Variants in ULK4 observed in about 807,000 individuals in gnomAD.
ULK4 encodes the protein unc-51 like kinase 4.
In ULK4, 133 loss-of-function variants were observed where a neutral mutation model predicts 160.6. The observed-to-expected ratio is 0.83, with a 90% CI of 0.72 to 0.96. ULK4 has a LOEUF of 0.96. Among genes scored for constraint, ULK4 ranks in the 40% least tolerant of loss-of-function variants. The pLI is 0.00. For synonymous variants in ULK4, 534 were observed against 539.8 expected (o/e 0.99, Z 0.15); for missense variants, 1,580 against 1,499.5 (o/e 1.05, Z -0.89).
intron 35 of ULK4, among the ~76,000 whole-genome samples, chr3:41,390,383 C>T (rs764080180): frequency 1.3e-4 from 20 of 152,048 alleles, no homozygotes; most frequent in Admixed American, 8.5e-4. Context: ...CTGCTCTGAT[C>T]TTAGTTATTT....
At chr3:41,288,906 G>A (rs959358846) in intron 35 of ULK4, among the ~76,000 whole-genome samples, 47 of 152,088 alleles carry the variant, frequency 3.1e-4, no homozygotes, top group African/African-American at 1.1e-3. Context: ...GTCAAAGATG[G>A]TACATCTTTG....
chr3:41,438,714 C>T (rs1401086642), intron 34 of ULK4, among the ~76,000 whole-genome samples: 4 of 152,002 alleles, frequency 2.6e-5, no homozygotes, highest in African/African-American at 9.7e-5. Context: ...GTAGTCCCAG[C>T]CACTTGGGAG....
chr3:41,596,776 G>A (rs986616581), intron 31 of ULK4, among the ~76,000 whole-genome samples: 1 of 152,130 alleles, frequency 6.6e-6, no homozygotes. Flanking sequence ...GTACTGAGTG[G>A]CCAAAGTGCA....
At chr3:41,702,865 T>TC in intron 27 of ULK4, among the ~76,000 whole-genome samples, 1 of 151,134 alleles carries the variant, frequency 6.6e-6, no homozygotes, top group African/African-American at 2.5e-5. Context: ...GTTTTGTTTT[T>TC]TTTTTTTGAG....
At chr3:41,654,662 T>C (rs1187406719) in intron 30 of ULK4, among the ~76,000 whole-genome samples, 1 of 152,244 alleles carries the variant, frequency 6.6e-6, no homozygotes, top group African/African-American at 2.4e-5. Context: ...ATTTGCTCAC[T>C]GTTTTAAATA....
At chr3:41,463,038 C>T (rs2083729160) in intron 33 of ULK4, 49 bp downstream of exon 33, 2 of 1,566,136 alleles carry the variant, frequency 1.3e-6, no homozygotes, top group Non-Finnish European at 1.7e-6. Flanking sequence ...GAAAGGGAAG[C>T]ATGAAATGGA....
At chr3:41,473,895 AT>A (rs2084064589) in intron 32 of ULK4, among the ~76,000 whole-genome samples, 2 of 152,190 alleles carry the variant, frequency 1.3e-5, no homozygotes, top group Admixed American at 6.5e-5. Context: ...AGGAATTAAT[AT>A]TGTTAAAATG....
At chr3:41,263,477 T>C (rs1271658515) in intron 35 of ULK4, among the ~76,000 whole-genome samples, 1 of 152,214 alleles carries the variant, frequency 6.6e-6, no homozygotes, top group East Asian at 1.9e-4. Flanking sequence ...AGCCCACAGC[T>C]TCCTTCTTTC....
chr3:41,794,865 A>G (rs1487352260), intron 20 of ULK4, among the ~76,000 whole-genome samples: 1 of 152,020 alleles, frequency 6.6e-6, no homozygotes, highest in African/African-American at 2.4e-5. Context: ...GGCACAGGAA[A>G]CAGCAAGGAG....
intron 32 of ULK4, among the ~76,000 whole-genome samples, chr3:41,487,332 C>T (rs1185739231): frequency 6.6e-6 from 1 of 151,958 alleles, no homozygotes; most frequent in Non-Finnish European, 1.5e-5. Flanking sequence ...AGGAACATAA[C>T]AAAGTTATGT....
chr3:41,685,765 A>T (rs1553633911), intron 27 of ULK4, among the ~76,000 whole-genome samples: 1 of 151,974 alleles, frequency 6.6e-6, no homozygotes, highest in Non-Finnish European at 1.5e-5. Context: ...CTCTTCAGAG[A>T]GTCTGTCTGG....
intron 30 of ULK4, among the ~76,000 whole-genome samples, chr3:41,635,210 A>G (rs2125708331): frequency 6.6e-6 from 1 of 152,316 alleles, no homozygotes; most frequent in Non-Finnish European, 1.5e-5. Context: ...ATGATACTAA[A>G]GTTACTAAGA....
At chr3:41,718,012 GC>G in intron 22 of ULK4, 151 bp from the exon 23 acceptor site, 18 of 871,114 alleles carry the variant, frequency 2.1e-5, no homozygotes, top group Non-Finnish European at 3.0e-5. Flanking sequence ...CACAATTTTT[GC>G]CTCAGAAAAC....
chr3:41,500,967 T>G (rs1425082980), intron 32 of ULK4, among the ~76,000 whole-genome samples: 1 of 152,214 alleles, frequency 6.6e-6, no homozygotes, highest in Non-Finnish European at 1.5e-5. Context: ...ATACATTGTT[T>G]TAAGGTCTAC....
At chr3:41,404,951 T>C (rs1275195857) in intron 34 of ULK4, among the ~76,000 whole-genome samples, 1 of 152,216 alleles carries the variant, frequency 6.6e-6, no homozygotes, top group Non-Finnish European at 1.5e-5. Flanking sequence ...CTAAGAACTC[T>C]AATCATCTAT....
chr3:41,562,498 G>C (rs954314075), intron 32 of ULK4, among the ~76,000 whole-genome samples: 5 of 152,118 alleles, frequency 3.3e-5, no homozygotes, highest in Non-Finnish European at 7.4e-5. Flanking sequence ...GGGAGTCTAA[G>C]TCTGTTTGTA....
At position 41,400,663 on chromosome 3, in the gene ULK4, C is replaced by G. The variant is rs955042590; in HGVS notation, c.3493-2399G>C. Among the ~76,000 whole-genome samples the G allele has an allele frequency of 1.2e-4, 18 of 152,244 alleles. No homozygotes were observed. In the East Asian group the frequency reaches 3.5e-3, roughly 29 times the overall value. ...ACACAAGTTTTTGTGTGAACATTAG[C>G]TTTCATTCCTCTGGGATAAATGCCC... is the stretch of plus-strand genomic sequence containing the variant. On this transcript the variant is annotated intron_variant, in intron 34 of 36. Transcript: ENST00000301831.
Position 41,715,481 on chromosome 3 carries a change from AG to A in ULK4, c.2542del (p.Leu848Ter). The A allele has an allele frequency of 6.2e-7, 1 of 1,614,096 alleles. No homozygotes were observed. Among genetic ancestry groups the A allele is most frequent in the Non-Finnish European group, 8.5e-7 (1 of 1,179,962 alleles). ...TACGAGGTGAAGCACTACAGGCATC[AG>A]GGGGAGACACAACTTCAGCTGTTTC... is the stretch of plus-strand genomic sequence containing the variant. ...QVKQLKLCLP[L>X]MPVVLHLVTS... On this transcript the variant is annotated frameshift_variant, in exon 24 of 37. Transcript: ENST00000301831. LOFTEE classifies it high-confidence loss of function.
chr3:41,368,745 T>C (rs1212127956), intron 35 of ULK4, among the ~76,000 whole-genome samples: 1 of 152,224 alleles, frequency 6.6e-6, no homozygotes, highest in African/African-American at 2.4e-5. Context: ...CTGAATAATA[T>C]TCTATTTTAT....
Sources: gnomAD v4.1 joint callset for allele counts (sites outside exome capture counted in the v4.1 genomes callset) on GRCh38, gnomAD v4.1.1 for gene constraint, MANE v1.5 for transcripts, NCBI Gene and HGNC (gene_info 2026-07-23, HGNC 2026-07-21) for gene names.